COL26A1: variants seen among roughly 807,000 people sequenced by gnomAD.
COL26A1 encodes the protein collagen type XXVI alpha 1 chain, also known as collagen alpha-1(XXVI) chain.
COL26A1 carries 41 observed loss-of-function variants against 59.3 expected under a neutral mutation model. The ratio of observed to expected loss-of-function variants is 0.69; its 90% confidence interval spans 0.54 to 0.90. The LOEUF (loss-of-function observed/expected upper bound fraction) is 0.90. Ranked by LOEUF, COL26A1 falls within the 40% of genes least tolerant of loss-of-function variation. The pLI is 0.00. For synonymous variants in COL26A1, 266 were observed against 256.0 expected (o/e 1.04, Z -0.37); for missense variants, 612 against 602.3 (o/e 1.02, Z -0.17).
chr7:101,397,497 C>G (rs1791885850), intron 1 of COL26A1, among the ~76,000 whole-genome samples: 1 of 146,900 alleles, frequency 6.8e-6, no homozygotes, highest in Admixed American at 6.9e-5. Flanking sequence ...TTTCCTTCTC[C>G]TTCTCCTTCC....
chr7:101,409,953 G>C (rs1421356030), intron 1 of COL26A1, among the ~76,000 whole-genome samples: 2 of 152,002 alleles, frequency 1.3e-5, no homozygotes, highest in Non-Finnish European at 2.9e-5. Context: ...GTAGAGACAG[G>C]GTTTCACCAT....
At chr7:101,403,699 T>C (rs1262792758) in intron 1 of COL26A1, among the ~76,000 whole-genome samples, 3 of 152,172 alleles carry the variant, frequency 2.0e-5, no homozygotes, top group Non-Finnish European at 4.4e-5. Flanking sequence ...TCAATGGCAG[T>C]CCTCTTCTCT....
intron 3 of COL26A1, among the ~76,000 whole-genome samples, chr7:101,526,886 C>A: frequency 6.6e-6 from 1 of 152,170 alleles, no homozygotes; most frequent in East Asian, 1.9e-4. Flanking sequence ...GCGTCTCAAG[C>A]CACACGGTGA....
intron 3 of COL26A1, among the ~76,000 whole-genome samples, chr7:101,465,034 C>CTTT (rs112899121): frequency 1.7e-4 from 22 of 130,016 alleles, no homozygotes; most frequent in South Asian, 5.0e-4. Context: ...TTCTTTCTTT[C>CTTT]TTTTTTTTTT....
At chr7:101,495,126 G>A (rs1794553004) in intron 3 of COL26A1, among the ~76,000 whole-genome samples, 1 of 152,180 alleles carries the variant, frequency 6.6e-6, no homozygotes, top group African/African-American at 2.4e-5. Flanking sequence ...AGAATGTCAG[G>A]AGATCAGGGG....
At chr7:101,371,603 T>C (rs1003298185) in intron 1 of COL26A1, among the ~76,000 whole-genome samples, 1 of 139,500 alleles carries the variant, frequency 7.2e-6, no homozygotes. Context: ...CCGGGAAATA[T>C]AGTCAGACCC....
intron 3 of COL26A1, among the ~76,000 whole-genome samples, chr7:101,521,221 C>T (rs113984763): frequency 1.3e-5 from 2 of 152,172 alleles, no homozygotes; most frequent in Non-Finnish European, 2.9e-5. Flanking sequence ...AGACCACCCC[C>T]ATGATCCAGT....
chr7:101,421,352 C>T (rs1792514320), intron 2 of COL26A1, among the ~76,000 whole-genome samples: 1 of 152,114 alleles, frequency 6.6e-6, no homozygotes, highest in African/African-American at 2.4e-5. Context: ...TTATAGAGGG[C>T]AACCTGCTTT....
intron 3 of COL26A1, among the ~76,000 whole-genome samples, chr7:101,485,472 C>G (rs1394523892): frequency 6.6e-6 from 1 of 152,194 alleles, no homozygotes; most frequent in African/African-American, 2.4e-5. Context: ...CAAGACTCCC[C>G]TGGGACACAC....
At chr7:101,470,743 C>T (rs1205981662) in intron 3 of COL26A1, among the ~76,000 whole-genome samples, 15 of 151,932 alleles carry the variant, frequency 9.9e-5, no homozygotes, top group East Asian at 5.8e-4. Flanking sequence ...TATGGGGTCT[C>T]GTTACATAGG....
rs755042363 is a variant in COL26A1, at chr7:101,545,451, G to A, written c.817G>A (p.Gly273Ser). 6.2e-7 allele frequency: 1 copy of A among 1,608,770 alleles called. No individual in the cohort carries two copies. The highest frequency in any genetic ancestry group is 1.7e-5 in the Admixed American group (1 of 59,572). ...NPGPSPNSPQ[G>S]ALYSLQPPTD... ...AGGCCCCTCACCAAACAGCCCCCAGGGCGCCCTCTACTCCCTGCAGCCGCC... is the reference window on the plus strand; with the variant it reads ...AGGCCCCTCACCAAACAGCCCCCAGAGCGCCCTCTACTCCCTGCAGCCGCC... The change falls in exon 7 of 13, where the codon GGC (glycine) becomes AGC (serine). Residue 273 changes from glycine to serine, a missense_variant. Coordinates refer to ENST00000313669, the MANE Select transcript of COL26A1 (RefSeq NM_001278563.3).
In COL26A1 at chr7:101,527,474, C is replaced by T. The variant is rs141615640; in HGVS notation, c.386-5608C>T. 3.3e-5 allele frequency among the ~76,000 whole-genome samples: 5 copies of T among 151,636 alleles called. No homozygotes were observed. The East Asian group carries it at 5.8e-4, about 18-fold the overall frequency. On this transcript the variant is annotated intron_variant, in intron 3 of 12. Coordinates refer to ENST00000313669, the MANE Select transcript of COL26A1 (RefSeq NM_001278563.3). ...TCCCGAGTAGCTTGGATTACAGGCACGCACCACCACGTCCAGCTGATTTTT... is the reference window on the plus strand; with the variant it reads ...TCCCGAGTAGCTTGGATTACAGGCATGCACCACCACGTCCAGCTGATTTTT...
At chr7:101,366,229 G>A (rs569656162) in intron 1 of COL26A1, among the ~76,000 whole-genome samples, 1 of 152,114 alleles carries the variant, frequency 6.6e-6, no homozygotes, top group African/African-American at 2.4e-5. Flanking sequence ...TGAGTTACAG[G>A]CTGGAGCTGG....
At chr7:101,400,365 T>C (rs1227935328) in intron 1 of COL26A1, among the ~76,000 whole-genome samples, 1 of 121,216 alleles carries the variant, frequency 8.2e-6, no homozygotes, top group Non-Finnish European at 1.8e-5. Flanking sequence ...TTTTTTTTTT[T>C]TTTTTTTTTT....
chr7:101,434,245 G>A (rs868333788), intron 2 of COL26A1, among the ~76,000 whole-genome samples: 2 of 109,188 alleles, frequency 1.8e-5, no homozygotes, highest in Non-Finnish European at 3.5e-5. Context: ...CCTCCCTCCT[G>A]TCTCTCTCTT....
intron 1 of COL26A1, among the ~76,000 whole-genome samples, chr7:101,386,467 C>G (rs1791579920): frequency 6.6e-6 from 1 of 152,044 alleles, no homozygotes; most frequent in Non-Finnish European, 1.5e-5. Flanking sequence ...GTTGCCCAGG[C>G]TGGAGTGCAG....
intron 1 of COL26A1, among the ~76,000 whole-genome samples, chr7:101,389,818 G>T (rs1791684266): frequency 6.6e-6 from 1 of 152,022 alleles, no homozygotes; most frequent in African/African-American, 2.4e-5. Flanking sequence ...CTCCCAAAGT[G>T]CTGGGATTAC....
upstream of COL26A1, chr7:101,362,770 T>C: frequency 4.0e-6 from 2 of 500,356 alleles, no homozygotes; most frequent in South Asian, 2.5e-5. Context: ...TGCCGCCTCC[T>C]CGGCCCCGGA....
intron 4 of COL26A1, among the ~76,000 whole-genome samples, chr7:101,535,181 C>A (rs1795456572): frequency 6.6e-6 from 1 of 152,176 alleles, no homozygotes; most frequent in South Asian, 2.1e-4. Context: ...GGAGTCTTAG[C>A]TCTTGTGGGG....
Sources: allele counts gnomAD v4.1 joint callset (sites outside exome capture counted in the v4.1 genomes callset), GRCh38; gene constraint gnomAD v4.1.1; transcripts MANE v1.5; gene names NCBI Gene and HGNC (gene_info 2026-07-23, HGNC 2026-07-21).